RASSF8: variants seen among roughly 807,000 people sequenced by gnomAD.
RASSF8 encodes Ras association domain family member 8.
Under a neutral mutation model 48.5 loss-of-function variants are expected in RASSF8, and 22 were observed. That is an observed-to-expected ratio of 0.45 (90% CI 0.32 to 0.65). The LOEUF is 0.65. Among genes scored for constraint, RASSF8 ranks in the 30% least tolerant of loss-of-function variants. The probability of loss-of-function intolerance (pLI) is 0.03; values close to 1 mark genes in which losing one functional copy is unlikely to be tolerated. For missense variants in RASSF8, 418 were observed against 489.2 expected, an observed-to-expected ratio of 0.85 and a Z score of 1.37; for synonymous variants, 127 against 171.5, an observed-to-expected ratio of 0.74 and a Z score of 2.03.
chr12:25,990,300 C>T (rs1941985160), intron 1 of RASSF8, among the ~76,000 whole-genome samples: 1 of 152,132 alleles, frequency 6.6e-6, no homozygotes, highest in Non-Finnish European at 1.5e-5. Flanking sequence ...TAGCTTTTTT[C>T]CAAATCTCTT....
At chr12:26,047,081 G>A (rs962254736) in intron 2 of RASSF8, among the ~76,000 whole-genome samples, 1 of 152,172 alleles carries the variant, frequency 6.6e-6, no homozygotes, top group Admixed American at 6.5e-5. Flanking sequence ...CATAGAACTT[G>A]GCACTGCACA....
Position 26,069,810 on chromosome 12 carries a change from A to G in RASSF8, c.*992A>G, listed in dbSNP as rs1390639452. ...ACACCATGGGTAAGGTATTGCTTGC[A>G]CATAATTTGCTCTGCATATTATGGA... On this transcript the variant is annotated 3_prime_UTR_variant, in exon 6 of 6. Coordinates refer to ENST00000689635, the MANE Select transcript of RASSF8 (RefSeq NM_001394098.1). 1 of 985,078 alleles carries G rather than the reference A, an allele frequency of 1.0e-6. No individual in the cohort carries two copies. Among genetic ancestry groups the G allele is most frequent in the Admixed American group, 6.2e-5 (1 of 16,258 alleles). The allele number at this position is 985,078 out of a possible 1,614,324, so 61.0% of individuals were successfully genotyped here.
intron 2 of RASSF8, among the ~76,000 whole-genome samples, chr12:25,999,970 T>G (rs774736867): frequency 5.3e-5 from 8 of 152,210 alleles, no homozygotes; most frequent in Non-Finnish European, 8.8e-5. Context: ...AGGAAGACAA[T>G]TCTTTAGTTA....
chr12:26,060,349 TA>T (rs1464163247), intron 3 of RASSF8, among the ~76,000 whole-genome samples: 7 of 152,214 alleles, frequency 4.6e-5, no homozygotes, highest in African/African-American at 1.7e-4. Context: ...TATTCAGAGA[TA>T]ATTTTTTATT....
chr12:26,014,528 G>A (rs770801489), intron 2 of RASSF8, among the ~76,000 whole-genome samples: 7 of 152,048 alleles, frequency 4.6e-5, no homozygotes, highest in Non-Finnish European at 8.8e-5. Flanking sequence ...ACTTAATACA[G>A]GTCATTTTCA....
chr12:25,958,634 GCCCGGCCCGGCCCGGCCCGGCCCGGCC>G (rs1416269472), upstream of RASSF8: 10 of 137,944 alleles, frequency 7.2e-5, no homozygotes, highest in African/African-American at 2.6e-4. Flanking sequence ...CCGCCTGGCC[GCCCGGCCCGGCCCGGCCCGGCCCGGCC>G]CCCAGCCCGG....
chr12:26,048,736 TTTTG>T (rs1197370132), intron 2 of RASSF8, among the ~76,000 whole-genome samples: 10 of 151,930 alleles, frequency 6.6e-5, no homozygotes, highest in East Asian at 2.0e-4. Flanking sequence ...TTGTTTTGTT[TTTTG>T]TTTGTTTGTT....
chr12:26,049,038 G>A (rs756134894), intron 2 of RASSF8, among the ~76,000 whole-genome samples: 1 of 152,138 alleles, frequency 6.6e-6, no homozygotes, highest in Non-Finnish European at 1.5e-5. Flanking sequence ...GATTACAGGC[G>A]TGAACCACTG....
chr12:26,079,234 T>A (rs1387069538), exon 6 of RASSF8: 1 of 505,236 alleles, frequency 2.0e-6, no homozygotes, highest in Non-Finnish European at 3.4e-6. Context: ...AAGGGTTTAA[T>A]ATCCAAACTA....
intron 1 of RASSF8, among the ~76,000 whole-genome samples, chr12:25,982,409 G>A (rs1336590699): frequency 6.6e-6 from 1 of 152,166 alleles, no homozygotes; most frequent in Non-Finnish European, 1.5e-5. Flanking sequence ...CAGTATAATG[G>A]CTGTTTAGAA....
intron 2 of RASSF8, among the ~76,000 whole-genome samples, chr12:26,040,270 T>C (rs940874183): frequency 6.6e-6 from 1 of 152,208 alleles, no homozygotes; most frequent in Non-Finnish European, 1.5e-5. Context: ...CTCCTTGGGT[T>C]GGAACCAGAA....
intron 1 of RASSF8, among the ~76,000 whole-genome samples, chr12:25,975,559 TC>T (rs1474214898): frequency 3.3e-5 from 5 of 152,226 alleles, no homozygotes; most frequent in African/African-American, 1.2e-4. Context: ...TTATATTCAC[TC>T]TACAAAGATT....
intron 3 of RASSF8, among the ~76,000 whole-genome samples, chr12:26,057,067 T>G (rs1262679265): frequency 6.6e-6 from 1 of 151,072 alleles, no homozygotes; most frequent in Non-Finnish European, 1.5e-5. Flanking sequence ...AGTTGAGTAG[T>G]GCTATAAGCT....
rs1047890447 is a variant in RASSF8 at position 26,026,447 on chromosome 12, AT to A, written c.-108-28783del. ...TGTAATATTAGTTAGTTTATTTTTT[AT>A]TTTTTGAGATGGAGTCTCGCTTTGT... On this transcript the variant is annotated intron_variant, in intron 2 of 5. Transcript: ENST00000689635. Among the ~76,000 whole-genome samples, 3 of 152,034 alleles carry A rather than the reference AT, an allele frequency of 2.0e-5. No individual in the cohort carries two copies. In the South Asian group the frequency reaches 6.2e-4, roughly 32 times the overall value.
At chr12:26,077,070 G>A (rs1462313174), downstream of RASSF8, among the ~76,000 whole-genome samples, 2 of 152,208 alleles carry the variant, frequency 1.3e-5, no homozygotes, top group African/African-American at 4.8e-5. Context: ...CTTCTTTTGA[G>A]AAGTGTCTGC....
chr12:26,024,091 T>C (rs922234406), intron 2 of RASSF8, among the ~76,000 whole-genome samples: 2 of 152,230 alleles, frequency 1.3e-5, no homozygotes, highest in African/African-American at 4.8e-5. Flanking sequence ...TTGTCTTACA[T>C]AGTATGTATC....
rs779243123 is a variant in RASSF8 at position 26,065,380 on chromosome 12, G to A, written c.986G>A (p.Arg329His). 12 of 1,609,286 alleles carry A rather than the reference G, an allele frequency of 7.5e-6. No individual in the cohort carries two copies. The highest frequency in any genetic ancestry group is 6.7e-5 in the Admixed American group (4 of 59,350). Reference protein sequence around the residue: ...VERSLGQATKRLQDKEQELEQ... With the variant: ...VERSLGQATKHLQDKEQELEQ... ...AGATCTCTTGGACAAGCCACCAAAC[G>A]CTTACAGGTAGGGACACTTTGATAA... The change falls in exon 4 of 6, where the codon CGC (arginine) becomes CAC (histidine). Residue 329 changes from arginine (R) to histidine (H), a missense_variant. Coordinates refer to ENST00000689635, the MANE Select transcript of RASSF8 (RefSeq NM_001394098.1).
chr12:26,047,206 G>A (rs543148597), intron 2 of RASSF8, among the ~76,000 whole-genome samples: 8 of 152,192 alleles, frequency 5.3e-5, no homozygotes, highest in African/African-American at 1.7e-4. Flanking sequence ...AGCAAGAAAT[G>A]GAGCCCAATG....
chr12:26,001,483 T>TA (rs1415078159), intron 2 of RASSF8, among the ~76,000 whole-genome samples: 1 of 152,206 alleles, frequency 6.6e-6, no homozygotes, highest in African/African-American at 2.4e-5. Context: ...TTGCTTAAAA[T>TA]ACAAATACAT....
Sources: allele counts gnomAD v4.1 joint callset (sites outside exome capture counted in the v4.1 genomes callset), GRCh38; gene constraint gnomAD v4.1.1; transcripts MANE v1.5; gene names NCBI Gene and HGNC (gene_info 2026-07-23, HGNC 2026-07-21).